The following RSU1 variants were observed in gnomAD, a reference collection of about 807,000 sequenced individuals.
RSU1 encodes the protein rsu-1.
Under a neutral mutation model 31.1 loss-of-function variants are expected in RSU1, and 26 were observed. The ratio of observed to expected loss-of-function variants is 0.84; its 90% CI spans 0.61 to 1.16. The LOEUF (loss-of-function observed/expected upper bound fraction) is 1.16, where lower values mean the gene tolerates loss of function less well. Ranked by LOEUF, RSU1 falls within the 50% of genes most tolerant of loss-of-function variation. RSU1 has a pLI of 0.00. For synonymous variants in RSU1, 164 were observed against 136.3 expected (o/e 1.20, Z -1.41); for missense variants, 320 against 339.1 (o/e 0.94, Z 0.44).
chr10:16,713,677 T>C (rs1836068240), intron 7 of RSU1, among the ~76,000 whole-genome samples: 1 of 152,256 alleles, frequency 6.6e-6, no homozygotes, highest in Non-Finnish European at 1.5e-5. Flanking sequence ...AGGCATTTCA[T>C]AAATGTCCTT....
chr10:16,693,518 C>A (rs1276718912), intron 8 of RSU1, among the ~76,000 whole-genome samples: 1 of 151,904 alleles, frequency 6.6e-6, no homozygotes, highest in East Asian at 1.9e-4. Flanking sequence ...CTAAATGTGA[C>A]CTTTAGCAAT....
chr10:16,601,295 A>G (rs1244231364), intron 8 of RSU1, among the ~76,000 whole-genome samples: 1 of 152,184 alleles, frequency 6.6e-6, no homozygotes, highest in African/African-American at 2.4e-5. Context: ...TTTGGTCACC[A>G]TATTAATCAG....
chr10:16,689,739 G>C (rs989300402), intron 8 of RSU1, among the ~76,000 whole-genome samples: 1 of 152,128 alleles, frequency 6.6e-6, no homozygotes, highest in African/African-American at 2.4e-5. Context: ...AGTATGGCTG[G>C]TCTTTCATTT....
At chr10:16,628,807 T>G (rs1277382653) in intron 8 of RSU1, among the ~76,000 whole-genome samples, 1 of 152,224 alleles carries the variant, frequency 6.6e-6, no homozygotes, top group Non-Finnish European at 1.5e-5. Context: ...TTTTTTAAAT[T>G]AATTCTTACT....
At chr10:16,815,546 C>A (rs1457828918) in intron 2 of RSU1, among the ~76,000 whole-genome samples, 2 of 152,212 alleles carry the variant, frequency 1.3e-5, no homozygotes, top group Non-Finnish European at 2.9e-5. Context: ...ATCATTCTTT[C>A]ATTTTCTTCA....
At chr10:16,751,442 T>C (rs1214335650) in intron 7 of RSU1, among the ~76,000 whole-genome samples, 1 of 152,204 alleles carries the variant, frequency 6.6e-6, no homozygotes, top group East Asian at 1.9e-4. Context: ...TAGACTAATA[T>C]GGCTGCCAAC....
chr10:16,661,274 T>A (rs1834883558), intron 8 of RSU1, among the ~76,000 whole-genome samples: 1 of 142,488 alleles, frequency 7.0e-6, no homozygotes, highest in Non-Finnish European at 1.5e-5. Context: ...GTATGTGTGA[T>A]ATGTAGAGAG....
rs541114360 is a variant in RSU1 at position 16,697,451 on chromosome 10, G to A, written c.599-2296C>T. ...GCGGGTGGATCACTTGAGGTCAGGAGTTCCAGACCACAAGGCAATTTGGCC... is the reference window on the plus strand; with the variant it reads ...GCGGGTGGATCACTTGAGGTCAGGAATTCCAGACCACAAGGCAATTTGGCC... On this transcript the variant is annotated intron_variant, in intron 7 of 8. Transcript: ENST00000345264. Among the ~76,000 whole-genome samples the A allele has an allele frequency of 2.8e-4, 42 of 152,228 alleles. No homozygotes were observed. The Middle Eastern group carries it at 0.01, about 37-fold the overall frequency.
At chr10:16,661,287 C>CGTGTGTGTGTGTGTGTGTGTGT (rs56675037) in intron 8 of RSU1, among the ~76,000 whole-genome samples, 1 of 132,830 alleles carries the variant, frequency 7.5e-6, no homozygotes, top group Non-Finnish European at 1.6e-5. Context: ...GTAGAGAGTG[C>CGTGTGTGTGTGTGTGTGTGTGT]GTGTGTGTGT....
chr10:16,653,878 G>T (rs970047118), intron 8 of RSU1, among the ~76,000 whole-genome samples: 2 of 152,118 alleles, frequency 1.3e-5, no homozygotes, highest in Non-Finnish European at 2.9e-5. Context: ...GATGCCCAAT[G>T]TGACACCAGA....
chr10:16,604,863 C>T (rs1833774567), intron 8 of RSU1, among the ~76,000 whole-genome samples: 1 of 152,178 alleles, frequency 6.6e-6, no homozygotes, highest in Admixed American at 6.5e-5. Context: ...GCGAGAAAAA[C>T]AGGCCTCACA....
intron 8 of RSU1, among the ~76,000 whole-genome samples, chr10:16,681,731 T>C (rs938370505): frequency 1.3e-5 from 2 of 152,114 alleles, no homozygotes; most frequent in Non-Finnish European, 2.9e-5. Flanking sequence ...ATGAGAAAAC[T>C]GACACTAGAA....
intron 7 of RSU1, among the ~76,000 whole-genome samples, chr10:16,712,558 A>C (rs1836042862): frequency 6.6e-6 from 1 of 152,214 alleles, no homozygotes; most frequent in African/African-American, 2.4e-5. Flanking sequence ...AATAGACTAC[A>C]TCAACCTGAT....
intron 8 of RSU1, among the ~76,000 whole-genome samples, chr10:16,682,535 T>C (rs369788425): frequency 9.8e-4 from 26 of 26,498 alleles, no homozygotes; most frequent in Admixed American, 3.5e-3. Context: ...AAATCATTCA[T>C]ACACACACAC....
At chr10:16,707,973 G>A (rs1170465920) in intron 7 of RSU1, among the ~76,000 whole-genome samples, 1 of 151,966 alleles carries the variant, frequency 6.6e-6, no homozygotes, top group Admixed American at 6.6e-5. Context: ...AAAGAGATTT[G>A]TCTTTTCCTT....
intron 2 of RSU1, among the ~76,000 whole-genome samples, chr10:16,794,440 C>CT (rs1837984899): frequency 6.6e-6 from 1 of 152,196 alleles, no homozygotes; most frequent in African/African-American, 2.4e-5. Flanking sequence ...TACCTTCCTC[C>CT]TCTGTCTCTT....
intron 3 of RSU1, among the ~76,000 whole-genome samples, chr10:16,768,400 T>A (rs1273057676): frequency 1.3e-5 from 2 of 152,236 alleles, no homozygotes; most frequent in African/African-American, 2.4e-5. Flanking sequence ...AGAACTTCGC[T>A]TCTGACAGAG....
At chr10:16,735,017 A>T (rs1836595161) in intron 7 of RSU1, among the ~76,000 whole-genome samples, 1 of 152,176 alleles carries the variant, frequency 6.6e-6, no homozygotes, top group Non-Finnish European at 1.5e-5. Flanking sequence ...TCATTCCCTT[A>T]AACCCTCAGA....
At chr10:16,719,888 C>T (rs1377408183) in intron 7 of RSU1, among the ~76,000 whole-genome samples, 1 of 152,214 alleles carries the variant, frequency 6.6e-6, no homozygotes, top group African/African-American at 2.4e-5. Context: ...GGGGACAATG[C>T]TTTCTGCATA....
Sources: allele counts gnomAD v4.1 joint callset (sites outside exome capture counted in the v4.1 genomes callset), GRCh38; gene constraint gnomAD v4.1.1; transcripts MANE v1.5; gene names NCBI Gene and HGNC (gene_info 2026-07-23, HGNC 2026-07-21).